DNAH8: variants seen among roughly 807,000 people sequenced by gnomAD.
The protein encoded by DNAH8 is dynein axonemal heavy chain 8.
Under a neutral mutation model 562.1 loss-of-function variants are expected in DNAH8, and 382 were observed. The observed-to-expected ratio is 0.68, with a 90% CI of 0.63 to 0.74. The LOEUF is 0.74. Ranked by LOEUF, DNAH8 falls within the 30% of genes least tolerant of loss-of-function variation. DNAH8 has a pLI of 0.00. For missense variants in DNAH8, 5,203 were observed against 5,620.4 expected, an observed-to-expected ratio of 0.93 and a Z score of 2.37; for synonymous variants, 1,881 against 1,919.4, an observed-to-expected ratio of 0.98 and a Z score of 0.52.
At chr6:38,957,840 A>T (rs1030753335) in intron 82 of DNAH8, among the ~76,000 whole-genome samples, 4 of 149,554 alleles carry the variant, frequency 2.7e-5, no homozygotes, top group Non-Finnish European at 5.9e-5. Context: ...CACCTCTAAG[A>T]AGTTTAGAGC....
At chr6:38,944,688 A>G (rs914613413) in intron 79 of DNAH8, among the ~76,000 whole-genome samples, 1 of 152,126 alleles carries the variant, frequency 6.6e-6, no homozygotes, top group African/African-American at 2.4e-5. Flanking sequence ...CAATGCTGTA[A>G]CTCATTCTCC....
chr6:38,715,915 TAAATAAATAA>T (rs1329929161), intron 1 of DNAH8, among the ~76,000 whole-genome samples: 48 of 39,580 alleles, frequency 1.2e-3, no homozygotes, highest in African/African-American at 5.6e-3. Flanking sequence ...AATAAATAAA[TAAATAAATAA>T]ATATATATAT....
At chr6:38,765,502 G>A (rs1212342864) in intron 11 of DNAH8, among the ~76,000 whole-genome samples, 2 of 152,096 alleles carry the variant, frequency 1.3e-5, no homozygotes, top group African/African-American at 4.8e-5. Context: ...CAATTTTATT[G>A]TTTTGCATGT....
At chr6:38,780,383 T>TG (rs1241171296) in intron 15 of DNAH8, among the ~76,000 whole-genome samples, 1 of 152,218 alleles carries the variant, frequency 6.6e-6, no homozygotes, top group African/African-American at 2.4e-5. Context: ...TAAAGACACA[T>TG]GCACGCATAT....
At chr6:38,860,913 C>A (rs572473112) in intron 43 of DNAH8, among the ~76,000 whole-genome samples, 1 of 152,176 alleles carries the variant, frequency 6.6e-6, no homozygotes, top group African/African-American at 2.4e-5. Flanking sequence ...CCTAGAATCC[C>A]AAAAGAAGTT....
rs1764244105 is a variant in DNAH8 at position 38,738,064 on chromosome 6, G to A, written c.1116+92G>A. The A allele has an allele frequency of 9.8e-6, 13 of 1,330,376 alleles. No individual in the cohort carries two copies. The East Asian group carries it at 3.3e-4, about 34-fold the overall frequency. 82.4% of individuals were successfully genotyped at this position (1,330,376 alleles called of 1,614,324 possible). A position where few individuals can be genotyped will look rare whatever the true frequency, so the allele number is the denominator to read the frequency against. ...GTCTCTAACAGCAAAGGGAAGAGGT[G>A]TCTCCTTTGACTTTCTTCCAGAATC... On this transcript the variant is annotated intron_variant, in intron 7 of 92. Coordinates refer to ENST00000327475, the MANE Select transcript of DNAH8 (RefSeq NM_001206927.2).
chr6:39,025,053 CCA>C (rs1487681981), intron 91 of DNAH8, among the ~76,000 whole-genome samples: 3 of 152,162 alleles, frequency 2.0e-5, no homozygotes, highest in Non-Finnish European at 4.4e-5. Flanking sequence ...TTCTCTCCAT[CCA>C]CAGACTTAAG....
chr6:38,733,898 T>TA (rs566433015), intron 4 of DNAH8, among the ~76,000 whole-genome samples: 143 of 111,586 alleles, frequency 1.3e-3, no homozygotes, highest in Admixed American at 2.1e-3. Flanking sequence ...GAGACAGAGC[T>TA]AAAAAAAAAG....
chr6:38,778,419 T>G lies in DNAH8; in HGVS notation c.1994T>G (p.Phe665Cys), dbSNP rs1768268518. Residue 665 changes from phenylalanine (F) to cysteine (C), a missense_variant, in exon 14 of 93, where the codon TTT becomes TGT. Transcript: ENST00000327475. The stretch of plus-strand genomic sequence containing the variant: ...ATACAGGCATTTATGAACAGTAGTT[T>G]TGGGAAAATCTTATCTTCTCAGCAG... The part of the protein sequence containing the change: ...VQIQAFMNSS[F>C]GKILSSQQAL... 6.3e-7 allele frequency: 1 copy of G among 1,592,262 alleles called. No homozygotes were observed. The highest frequency in any genetic ancestry group is 1.3e-5 in the African/African-American group (1 of 74,510).
chr6:38,836,273 T>G (rs991802729), intron 32 of DNAH8, among the ~76,000 whole-genome samples: 2 of 151,894 alleles, frequency 1.3e-5, no homozygotes, highest in African/African-American at 4.8e-5. Context: ...GTGCCAAGAT[T>G]TTACCCAGGG....
At chr6:38,974,950 A>G (rs1763579362) in intron 85 of DNAH8, among the ~76,000 whole-genome samples, 1 of 152,216 alleles carries the variant, frequency 6.6e-6, no homozygotes, top group Non-Finnish European at 1.5e-5. Flanking sequence ...ACATTTCAAG[A>G]TAGGATTATC....
At chr6:38,767,851 T>C (rs1767167410) in intron 11 of DNAH8, among the ~76,000 whole-genome samples, 1 of 152,252 alleles carries the variant, frequency 6.6e-6, no homozygotes. Flanking sequence ...TAATTCTATG[T>C]TTAACTTTTT....
At chr6:38,890,398 T>C (rs568075867) in intron 57 of DNAH8, among the ~76,000 whole-genome samples, 1 of 152,172 alleles carries the variant, frequency 6.6e-6, no homozygotes, top group Non-Finnish European at 1.5e-5. Flanking sequence ...CTAGTAATAA[T>C]AATACCTACC....
At chr6:38,788,446 G>A (rs562750688) in intron 18 of DNAH8, among the ~76,000 whole-genome samples, 231 of 152,204 alleles carry the variant, frequency 1.5e-3, no homozygotes, top group African/African-American at 5.1e-3. Context: ...CACTGCGCCC[G>A]GCCTATTGTT....
At position 38,802,605 on chromosome 6, in the gene DNAH8, A is replaced by G. The variant is rs138867310; in HGVS notation, c.2902-574A>G. On this transcript the variant is annotated intron_variant, in intron 21 of 92. Transcript: ENST00000327475. ...CTGGTTTCAAATAGTTTTTCCAACT[A>G]CTGTGTGACCTGGGAAAATTTCTTA... Among the ~76,000 whole-genome samples the G allele has an allele frequency of 2.0e-3, 312 of 152,326 alleles. 4 individuals carry two copies. The highest frequency in any genetic ancestry group is 0.014 in the Middle Eastern group (4 of 294).
Position 38,860,556 on chromosome 6 carries a change from G to C in DNAH8, c.6058G>C (p.Asp2020His), listed in dbSNP as rs761500520. 26 of 1,542,426 alleles carry C rather than the reference G, an allele frequency of 1.7e-5. No homozygotes were observed. Among genetic ancestry groups the C allele is most frequent in the Non-Finnish European group, 2.1e-5 (24 of 1,152,942 alleles). The change falls in exon 43 of 93, where the codon GAT becomes CAT. Residue 2020 changes from aspartate to histidine, a missense_variant. Asp to His is a moderately conservative substitution (Grantham distance 81, BLOSUM62 -1). Transcript: ENST00000327475. Reference sequence around the variant, plus strand: ...GGATCAAACTGTGGTGTCTATTACAGATGTTGATTTTATTTACCAAAATGA... The same window carrying C: ...GGATCAAACTGTGGTGTCTATTACACATGTTGATTTTATTTACCAAAATGA... ...DLDQTVVSITDVDFIYQNEFL... is the reference protein window; with the variant it reads ...DLDQTVVSITHVDFIYQNEFL...
rs773322274 is a variant in DNAH8 at position 38,803,345 on chromosome 6, G to T, written c.3034+34G>T. 2.6e-6 allele frequency: 4 copies of T among 1,560,452 alleles called. No homozygotes were observed. The East Asian group carries it at 9.1e-5, about 36-fold the overall frequency. On this transcript the variant is annotated intron_variant, in intron 22 of 92. Transcript: ENST00000327475. ...TCTCGTTACTGTGTTTGAATTACAA[G>T]ATCTACAGATTCGTTCTTATGTAAG...
intron 17 of DNAH8, 134 bp downstream of exon 17, chr6:38,783,273 A>G (rs1768825014): frequency 2.9e-6 from 2 of 678,298 alleles, no homozygotes; most frequent in East Asian, 2.9e-5. Context: ...GGGATGCTAC[A>G]GTGGTTTATT....
At chr6:38,834,517 C>A in intron 31 of DNAH8, 62 bp from the exon 32 acceptor site, 32 of 1,126,684 alleles carry the variant, frequency 2.8e-5, no homozygotes, top group South Asian at 1.3e-4. Context: ...ATAGATAAAC[C>A]CAATAAACTG....
Sources: allele counts gnomAD v4.1 joint callset (sites outside exome capture counted in the v4.1 genomes callset), GRCh38; gene constraint gnomAD v4.1.1; transcripts MANE v1.5; gene names NCBI Gene and HGNC (gene_info 2026-07-23, HGNC 2026-07-21).